MME: variants seen among roughly 807,000 people sequenced by gnomAD.
MME encodes the protein neprilysin.
A neutral mutation model predicts 113.2 loss-of-function variants in MME; 98 were observed. That is an observed-to-expected ratio of 0.87 (90% CI 0.74 to 1.02). MME has a LOEUF of 1.02. MME is among the 50% of genes least tolerant of loss of function. The probability of loss-of-function intolerance (pLI) is 0.00; values close to 1 mark genes in which losing one functional copy is unlikely to be tolerated. For synonymous variants in MME, 292 were observed against 300.6 expected (o/e 0.97, Z 0.30); for missense variants, 836 against 896.0 (o/e 0.93, Z 0.86).
chr3:155,117,599 G>GTTTTTTTTTTTTT (rs5853715), intron 7 of MME, among the ~76,000 whole-genome samples: 2 of 131,436 alleles, frequency 1.5e-5, no homozygotes, highest in Non-Finnish European at 1.6e-5. Context: ...TTTTTTTTTT[G>GTTTTTTTTTTTTT]TTTTTTTTTT....
intron 1 of MME, among the ~76,000 whole-genome samples, chr3:155,054,356 C>T (rs990868477): frequency 1.3e-5 from 2 of 152,056 alleles, no homozygotes. Flanking sequence ...GAACATTCTT[C>T]CTCTCATGTT....
intron 1 of MME, among the ~76,000 whole-genome samples, chr3:155,039,227 G>A (rs994030966): frequency 1.3e-5 from 2 of 152,178 alleles, no homozygotes; most frequent in Admixed American, 6.5e-5. Context: ...TTTGACAGAC[G>A]ATGTGGTGGG....
At chr3:155,025,190 C>T (rs1712740445) in intron 1 of MME, among the ~76,000 whole-genome samples, 1 of 152,150 alleles carries the variant, frequency 6.6e-6, no homozygotes, top group Admixed American at 6.5e-5. Context: ...GGGTGCAGCC[C>T]AGCCTTTGCC....
intron 1 of MME, among the ~76,000 whole-genome samples, chr3:155,041,154 C>T (rs1713305002): frequency 6.6e-6 from 1 of 152,124 alleles, no homozygotes; most frequent in Non-Finnish European, 1.5e-5. Flanking sequence ...TCCCTCATAT[C>T]CCTACTGAAC....
chr3:155,121,308 G>C (rs1156292864), intron 8 of MME, among the ~76,000 whole-genome samples: 2 of 148,296 alleles, frequency 1.3e-5, no homozygotes, highest in South Asian at 2.2e-4. Flanking sequence ...AGCTTAAGGA[G>C]ATTTTGGGCT....
intron 3 of MME, among the ~76,000 whole-genome samples, chr3:155,093,282 T>G (rs896793654): frequency 1.3e-5 from 2 of 152,194 alleles, no homozygotes; most frequent in Non-Finnish European, 2.9e-5. Context: ...ATTATTTAAT[T>G]ATATTAGCAA....
In MME at chr3:155,181,878, G is replaced by T. The variant is rs1713124561; in HGVS notation, c.*1419G>T. Reference sequence around the variant, plus strand: ...CAGGGAATTTCTATCTAAATGATGAGTATTAGTTCCCTGTCTCTTGAAAAA... The same window carrying T: ...CAGGGAATTTCTATCTAAATGATGATTATTAGTTCCCTGTCTCTTGAAAAA... On this transcript the variant is annotated 3_prime_UTR_variant, in exon 23 of 23. Transcript: ENST00000360490. The T allele has an allele frequency of 6.6e-6, 1 of 151,944 alleles. No homozygotes were observed. Among genetic ancestry groups the T allele is most frequent in the South Asian group, 2.1e-4 (1 of 4,820 alleles). 9.4% of individuals were successfully genotyped at this position (151,944 alleles called of 1,614,324 possible). A position where few individuals can be genotyped will look rare whatever the true frequency, so the allele number is the denominator to read the frequency against.
rs553956776 is a variant in MME at position 155,118,819 on chromosome 3, G to GA, written c.720+16dup. The GA allele has an allele frequency of 5.5e-5, 85 of 1,555,454 alleles. No individual in the cohort carries two copies. The highest frequency in any genetic ancestry group is 8.2e-5 in the African/African-American group (6 of 73,126). ...ACTGGAATCTATAAAGAGGTAAAAA[G>GA]AAAAAAAATAATCAAAACCAAACTA... On this transcript the variant is annotated intron_variant, in intron 8 of 22. Coordinates refer to ENST00000360490, the MANE Select transcript of MME (RefSeq NM_007289.4).
chr3:155,157,663 G>C (rs1722415351), intron 16 of MME, among the ~76,000 whole-genome samples: 2 of 152,066 alleles, frequency 1.3e-5, no homozygotes, highest in African/African-American at 2.4e-5. Flanking sequence ...AAGATGTAAT[G>C]ATCTAATCAC....
intron 12 of MME, 53 bp from the exon 13 acceptor site, chr3:155,143,390 T>C (rs189964421): frequency 5.6e-5 from 90 of 1,599,144 alleles, no homozygotes; most frequent in Non-Finnish European, 2.7e-5. Flanking sequence ...GCTCTTAACA[T>C]GCTCCAGACC....
At chr3:155,088,683 C>CA (rs59288472) in intron 3 of MME, among the ~76,000 whole-genome samples, 38,173 of 86,232 alleles carry the variant, frequency 0.44, 6,307 homozygotes, top group East Asian at 0.65. Context: ...AACTCCATCT[C>CA]AAAAAAAAAA....
chr3:155,138,380 CA>C, intron 9 of MME, 144 bp downstream of exon 9: 1 of 778,398 alleles, frequency 1.3e-6, no homozygotes, highest in Non-Finnish European at 2.1e-6. Context: ...TCATTGACTT[CA>C]AAAGGACCTT....
chr3:155,033,120 G>A (rs1001903972), intron 1 of MME, among the ~76,000 whole-genome samples: 1 of 152,168 alleles, frequency 6.6e-6, no homozygotes, highest in Admixed American at 6.5e-5. Flanking sequence ...TCTGGTTTCT[G>A]TCTCTTTTAG....
At chr3:155,045,156 T>A (rs922023401) in intron 1 of MME, among the ~76,000 whole-genome samples, 10 of 113,712 alleles carry the variant, frequency 8.8e-5, no homozygotes, top group Non-Finnish European at 1.6e-4. Context: ...ATAAAAAGAC[T>A]TTTTTTTTTT....
At chr3:155,140,658 A>G (rs1298616260) in intron 10 of MME, among the ~76,000 whole-genome samples, 1 of 151,988 alleles carries the variant, frequency 6.6e-6, no homozygotes, top group East Asian at 1.9e-4. Context: ...TCTGCCGGCC[A>G]CAGCCTCCCA....
intron 16 of MME, among the ~76,000 whole-genome samples, chr3:155,149,024 C>A (rs1721731936): frequency 1.3e-5 from 2 of 152,078 alleles, no homozygotes; most frequent in African/African-American, 4.8e-5. Context: ...TTTTCTTCTG[C>A]TGACAGCCCC....
chr3:155,095,819 C>G (rs998567918), intron 3 of MME, among the ~76,000 whole-genome samples: 2 of 152,096 alleles, frequency 1.3e-5, no homozygotes, highest in African/African-American at 4.8e-5. Flanking sequence ...ACAACATTAC[C>G]ATATGGTTTG....
In MME at chr3:155,144,272, CA is replaced by C. The variant is rs1721338959; in HGVS notation, c.1318-84del. ...ACGTTTATTAACATATTAAGTCATA[CA>C]AAGATAGCATGTAGCTCTATTTTTA... On this transcript the variant is annotated intron_variant, in intron 13 of 22. Transcript: ENST00000360490. The C allele has an allele frequency of 3.4e-6, 3 of 892,870 alleles. No individual in the cohort carries two copies. In the Admixed American group the frequency reaches 5.3e-5, roughly 16 times the overall value. 55.3% of individuals were successfully genotyped at this position (892,870 alleles called of 1,614,324 possible). A position where few individuals can be genotyped will look rare whatever the true frequency, so the allele number is the denominator to read the frequency against.
intron 3 of MME, among the ~76,000 whole-genome samples, chr3:155,094,418 A>G (rs1185857646): frequency 6.6e-6 from 1 of 152,230 alleles, no homozygotes; most frequent in African/African-American, 2.4e-5. Context: ...GAGATGCACC[A>G]TAGGTATAAT....
Sources: gnomAD v4.1 joint callset for allele counts (sites outside exome capture counted in the v4.1 genomes callset) on GRCh38, gnomAD v4.1.1 for gene constraint, MANE v1.5 for transcripts, NCBI Gene and HGNC (gene_info 2026-07-23, HGNC 2026-07-21) for gene names.